SSC4D: variants seen among roughly 807,000 people sequenced by gnomAD.
SSC4D encodes the protein scavenger receptor cysteine-rich domain-containing group B protein.
In SSC4D, 57 loss-of-function variants were observed where a neutral mutation model predicts 63.4. The observed-to-expected ratio is 0.90, with a 90% confidence interval of 0.73 to 1.12. SSC4D has a LOEUF of 1.12. Ranked by LOEUF, SSC4D falls within the 50% of genes most tolerant of loss-of-function variation. SSC4D has a pLI of 0.00. For missense variants in SSC4D, 791 were observed against 806.4 expected (o/e 0.98, Z 0.23); for synonymous variants, 352 against 345.4 (o/e 1.02, Z -0.21).
At chr7:76,393,319 G>A (rs1387254289) in intron 9 of SSC4D, 86 bp downstream of exon 9, 8 of 1,253,416 alleles carry the variant, frequency 6.4e-6, no homozygotes, top group East Asian at 3.2e-5. Context: ...TGCCGCAAGA[G>A]AGGCCTCGCG....
chr7:76,396,806 C>G (rs1804651256), intron 6 of SSC4D, among the ~76,000 whole-genome samples: 1 of 152,204 alleles, frequency 6.6e-6, no homozygotes, highest in Admixed American at 6.6e-5. Flanking sequence ...CCTATTATTC[C>G]TCTTTGCTGA....
intron 10 of SSC4D, 72 bp downstream of exon 10, chr7:76,391,892 G>A: frequency 6.8e-7 from 1 of 1,464,794 alleles, no homozygotes; most frequent in Non-Finnish European, 9.4e-7. Flanking sequence ...AACCTAGGCT[G>A]TGACCTCCCC....
chr7:76,396,189 T>C (rs1182575997), intron 6 of SSC4D, among the ~76,000 whole-genome samples: 2 of 152,150 alleles, frequency 1.3e-5, no homozygotes. Context: ...CTCACTCGAC[T>C]CAGGAGGTGG....
At chr7:76,404,862 G>A (rs1804949469) in intron 1 of SSC4D, among the ~76,000 whole-genome samples, 1 of 151,818 alleles carries the variant, frequency 6.6e-6, no homozygotes, top group South Asian at 2.1e-4. Flanking sequence ...TTGAGGTCAG[G>A]AGTTCGAGAC....
chr7:76,405,339 C>CTTTCT (rs1271510975), intron 1 of SSC4D, among the ~76,000 whole-genome samples: 5 of 21,394 alleles, frequency 2.3e-4, no homozygotes, highest in African/African-American at 8.5e-4. Flanking sequence ...TTCTTTCTTT[C>CTTTCT]TTTTTTTTTT....
At position 76,390,171 on chromosome 7, in the gene SSC4D, T is replaced by C; in HGVS notation, c.1616A>G (p.Asn539Ser). Reference sequence around the variant, plus strand: ...ACTTTCTTCCCCACGGCACTTGACATTGTCCAGGAGAATGGGGCCTCGGCC... The same window carrying C: ...ACTTTCTTCCCCACGGCACTTGACACTGTCCAGGAGAATGGGGCCTCGGCC... ...GPGRGPILLD[N>S]VKCRGEESAL... The change falls in exon 11 of 11, where the codon AAT becomes AGT. Residue 539 changes from asparagine (N) to serine (S), a missense_variant. Coordinates refer to ENST00000275560, the MANE Select transcript of SSC4D (RefSeq NM_080744.2). The C allele has an allele frequency of 4.3e-6, 7 of 1,614,230 alleles. No homozygotes were observed. Among genetic ancestry groups the C allele is most frequent in the Non-Finnish European group, 5.9e-6 (7 of 1,180,044 alleles).
chr7:76,401,054 G>T lies in SSC4D; in HGVS notation c.134-11C>A. On this transcript the variant is annotated splice_polypyrimidine_tract_variant and intron_variant, in intron 2 of 10. Transcript: ENST00000275560. ...GCTGTAGGGCGCTGGCTGAAACAGA[G>T]TGAGGAAGAGCATTGGCCCCTCTGC... 2 of 1,544,254 alleles carry T rather than the reference G, an allele frequency of 1.3e-6. No individual in the cohort carries two copies. The highest frequency in any genetic ancestry group is 2.4e-5 in the South Asian group (2 of 83,118).
intron 6 of SSC4D, among the ~76,000 whole-genome samples, chr7:76,396,145 ATC>A (rs1804634205): frequency 6.6e-6 from 1 of 152,120 alleles, no homozygotes; most frequent in Admixed American, 6.6e-5. Flanking sequence ...AAAACAACTA[ATC>A]TCTTGAGTGG....
chr7:76,394,768 TAA>T (rs1491261229), intron 7 of SSC4D, among the ~76,000 whole-genome samples: 3 of 122,132 alleles, frequency 2.5e-5, no homozygotes, highest in African/African-American at 3.4e-5. Flanking sequence ...TATATATATA[TAA>T]AATATGTATA....
chr7:76,400,930 C>T, intron 3 of SSC4D, 78 bp downstream of exon 3: 1 of 1,540,482 alleles, frequency 6.5e-7, no homozygotes. Context: ...TTAGTCATCA[C>T]TTCCTGTGGT....
chr7:76,407,278 T>C (rs1805067458), intron 1 of SSC4D, among the ~76,000 whole-genome samples: 1 of 151,998 alleles, frequency 6.6e-6, no homozygotes, highest in Admixed American at 6.6e-5. Context: ...AAATTAACTC[T>C]AGGCCAAGTG....
chr7:76,394,767 AT>A (rs1554621450), intron 7 of SSC4D, among the ~76,000 whole-genome samples: 6,016 of 143,538 alleles, frequency 0.042, 236 homozygotes, highest in East Asian at 0.14. Context: ...ATATATATAT[AT>A]AAAATATGTA....
intron 3 of SSC4D, 106 bp from the exon 4 acceptor site, chr7:76,400,697 G>A (rs994870662): frequency 1.3e-5 from 16 of 1,253,254 alleles, no homozygotes; most frequent in Admixed American, 3.1e-5. Flanking sequence ...TGGTAGAGAC[G>A]GGGTCTCACT....
chr7:76,408,541 G>C (rs1270747886), intron 1 of SSC4D, among the ~76,000 whole-genome samples: 2 of 152,260 alleles, frequency 1.3e-5, no homozygotes, highest in South Asian at 4.1e-4. Flanking sequence ...CTGGGGACAG[G>C]CAACTTCCAG....
Position 76,395,273 on chromosome 7 carries a change from G to A in SSC4D, c.926C>T (p.Ala309Val), listed in dbSNP as rs1434503728. ...LPSSATREDWAWQTDPSATGV... is the reference protein window; with the variant it reads ...LPSSATREDWVWQTDPSATGV... ...TTTACCGGACGGATCTGTCTGCCAA[G>A]CCCAGTCCTCTCTTGTGGCTGAGGA... The change falls in exon 7 of 11, where the codon GCT becomes GTT. Residue 309 changes from alanine to valine, a missense_variant. By Grantham distance (64) the Ala-to-Val change is moderately conservative. Coordinates refer to ENST00000275560, the MANE Select transcript of SSC4D (RefSeq NM_080744.2). The A allele has an allele frequency of 6.2e-6, 10 of 1,613,900 alleles. No individual in the cohort carries two copies. The highest frequency in any genetic ancestry group is 8.5e-6 in the Non-Finnish European group (10 of 1,180,032).
At chr7:76,398,548 G>A (rs527678434) in intron 5 of SSC4D, among the ~76,000 whole-genome samples, 172 bp downstream of exon 5, 3 of 151,468 alleles carry the variant, frequency 2.0e-5, no homozygotes, top group Non-Finnish European at 4.4e-5. Flanking sequence ...CAAGTGATCC[G>A]CTGGCCTCGG....
rs367973598 is a variant in SSC4D at position 76,397,567 on chromosome 7, C to G, written c.819G>C (p.Trp273Cys). ...PRLAACQSLG[W>C]GVHNCGHHED... is the part of the protein sequence containing the mutation. ...CGTGGTGGCCGCAGTTGTGCACACC[C>G]CAGCCCAGGCTCTGGCAGGCTGCCA... Residue 273 changes from tryptophan (W) to cysteine (C), a missense_variant, in exon 6 of 11, where the codon TGG (tryptophan) becomes TGC (cysteine). Trp to Cys is a radical substitution (Grantham distance 215). Coordinates refer to ENST00000275560, the MANE Select transcript of SSC4D (RefSeq NM_080744.2). The G allele has an allele frequency of 6.8e-6, 11 of 1,606,368 alleles. No individual in the cohort carries two copies. Among genetic ancestry groups the G allele is most frequent in the Non-Finnish European group, 9.3e-6 (11 of 1,176,780 alleles).
Position 76,393,923 on chromosome 7 carries a change from TA to T in SSC4D, c.947-20del. ...CCTGTAGCTGTGGAGACAGGGCATC[TA>T]GGGCGTTCGAAGGGGACGAGGAGGC... is the stretch of plus-strand genomic sequence containing the variant. On this transcript the variant is annotated intron_variant, in intron 7 of 10. Transcript: ENST00000275560. 1 of 1,588,392 alleles carries T rather than the reference TA, an allele frequency of 6.3e-7. No homozygotes were observed. Among genetic ancestry groups the T allele is most frequent in the South Asian group, 1.1e-5 (1 of 87,408 alleles).
At chr7:76,391,140 T>C (rs1445210833) in intron 10 of SSC4D, among the ~76,000 whole-genome samples, 1 of 140,960 alleles carries the variant, frequency 7.1e-6, no homozygotes, top group East Asian at 2.1e-4. Flanking sequence ...GTCTCAAACA[T>C]ATATAAGATG....
Sources: gnomAD v4.1 joint callset for allele counts (sites outside exome capture counted in the v4.1 genomes callset) on GRCh38, gnomAD v4.1.1 for gene constraint, MANE v1.5 for transcripts, NCBI Gene and HGNC (gene_info 2026-07-23, HGNC 2026-07-21) for gene names.